Variants in LHFPL3 observed in about 807,000 individuals in gnomAD.
The protein encoded by LHFPL3 is LHFPL tetraspan subfamily member 3 protein.
LHFPL3 carries 5 observed loss-of-function variants against 19.3 expected under a neutral mutation model. The ratio of observed to expected loss-of-function variants is 0.26; its 90% confidence interval spans 0.14 to 0.54. The LOEUF (loss-of-function observed/expected upper bound fraction) is 0.54. Ranked by LOEUF, LHFPL3 falls within the 20% of genes least tolerant of loss-of-function variation. The probability of loss-of-function intolerance (pLI) is 0.94; values close to 1 mark genes in which losing one functional copy is unlikely to be tolerated. For synonymous variants in LHFPL3, 133 were observed against 126.2 expected (o/e 1.05, Z -0.36); for missense variants, 249 against 307.4 (o/e 0.81, Z 1.42).
At chr7:104,607,712 C>T (rs1199266383) in intron 1 of LHFPL3, among the ~76,000 whole-genome samples, 2 of 152,144 alleles carry the variant, frequency 1.3e-5, no homozygotes, top group African/African-American at 4.8e-5. Flanking sequence ...GAATAGGCAA[C>T]CTACAAAATG....
At chr7:104,590,672 A>C (rs897771209) in intron 1 of LHFPL3, among the ~76,000 whole-genome samples, 3 of 152,168 alleles carry the variant, frequency 2.0e-5, no homozygotes, top group Admixed American at 1.3e-4. Context: ...TATCCCTGTT[A>C]ACTTTCTGTC....
chr7:104,898,854 T>G (rs1792422779), intron 2 of LHFPL3, among the ~76,000 whole-genome samples: 1 of 152,098 alleles, frequency 6.6e-6, no homozygotes, highest in Admixed American at 6.6e-5. Flanking sequence ...TGATGGCTCA[T>G]GCCTATAATC....
chr7:104,566,220 A>G (rs998909743), intron 1 of LHFPL3, among the ~76,000 whole-genome samples: 6 of 152,134 alleles, frequency 3.9e-5, no homozygotes, highest in African/African-American at 1.4e-4. Flanking sequence ...TCATGATGGC[A>G]TGCACCTGTA....
At chr7:104,682,788 C>A (rs1792731642) in intron 1 of LHFPL3, among the ~76,000 whole-genome samples, 1 of 152,168 alleles carries the variant, frequency 6.6e-6, no homozygotes, top group Non-Finnish European at 1.5e-5. Flanking sequence ...TTTTAATATG[C>A]AACCATTTGA....
intron 1 of LHFPL3, among the ~76,000 whole-genome samples, chr7:104,487,519 C>T (rs1293893005): frequency 2.0e-5 from 3 of 152,152 alleles, no homozygotes; most frequent in East Asian, 1.9e-4. Flanking sequence ...GTTAACCTAA[C>T]GTGCACATCT....
chr7:104,841,604 A>C (rs1299296295), intron 2 of LHFPL3, among the ~76,000 whole-genome samples: 2 of 150,954 alleles, frequency 1.3e-5, no homozygotes, highest in South Asian at 2.1e-4. Context: ...TTGTGTGTGC[A>C]GAGCTTTCAT....
intron 1 of LHFPL3, among the ~76,000 whole-genome samples, chr7:104,580,178 C>A (rs1326865761): frequency 6.6e-6 from 1 of 152,192 alleles, no homozygotes; most frequent in African/African-American, 2.4e-5. Flanking sequence ...TAACAAACTT[C>A]TCTCAGCTGA....
At chr7:104,743,640 TCATTG>T (rs1793978529) in intron 2 of LHFPL3, among the ~76,000 whole-genome samples, 1 of 152,216 alleles carries the variant, frequency 6.6e-6, no homozygotes. Flanking sequence ...TATAACCTTT[TCATTG>T]ATCTCTGCAA....
At chr7:104,740,408 T>A (rs1793911746) in intron 2 of LHFPL3, among the ~76,000 whole-genome samples, 1 of 152,200 alleles carries the variant, frequency 6.6e-6, no homozygotes, top group Non-Finnish European at 1.5e-5. Flanking sequence ...TTTCATGTCA[T>A]GATGATGTCT....
intron 2 of LHFPL3, among the ~76,000 whole-genome samples, chr7:104,753,665 T>C (rs1405202799): frequency 6.6e-6 from 1 of 151,548 alleles, no homozygotes; most frequent in Non-Finnish European, 1.5e-5. Flanking sequence ...TTCTAGCCAA[T>C]GTATCTAGAA....
At chr7:104,457,870 G>T (rs1299611731) in intron 1 of LHFPL3, among the ~76,000 whole-genome samples, 2 of 143,128 alleles carry the variant, frequency 1.4e-5, no homozygotes, top group African/African-American at 2.6e-5. Context: ...AGCCAGTGAT[G>T]GTGAGCATTT....
At chr7:104,735,782 C>T (rs1331053497) in intron 1 of LHFPL3, among the ~76,000 whole-genome samples, 1 of 152,236 alleles carries the variant, frequency 6.6e-6, no homozygotes, top group African/African-American at 2.4e-5. Flanking sequence ...AATCACCTGT[C>T]TTCTGTGTCA....
intron 1 of LHFPL3, among the ~76,000 whole-genome samples, chr7:104,483,311 A>T (rs1793171901): frequency 6.6e-6 from 1 of 152,210 alleles, no homozygotes; most frequent in African/African-American, 2.4e-5. Context: ...TGATGCTTGG[A>T]TGCTGAGATT....
intron 1 of LHFPL3, among the ~76,000 whole-genome samples, chr7:104,643,455 G>A (rs1236642082): frequency 6.6e-6 from 1 of 152,078 alleles, no homozygotes; most frequent in Non-Finnish European, 1.5e-5. Context: ...CTAGCACAAG[G>A]ACTGTTACAC....
intron 1 of LHFPL3, among the ~76,000 whole-genome samples, chr7:104,623,842 T>C (rs758385923): frequency 1.3e-5 from 2 of 152,106 alleles, no homozygotes; most frequent in Non-Finnish European, 2.9e-5. Context: ...CTTCCAGATA[T>C]TCCAGCACCC....
chr7:104,612,197 A>G (rs773488424), intron 1 of LHFPL3, among the ~76,000 whole-genome samples: 9 of 152,304 alleles, frequency 5.9e-5, no homozygotes, highest in Non-Finnish European at 1.0e-4. Context: ...CTGGCTTTTA[A>G]TCCCAGCTCC....
intron 1 of LHFPL3, among the ~76,000 whole-genome samples, chr7:104,358,806 C>G (rs777438436): frequency 1.4e-4 from 22 of 152,144 alleles, no homozygotes; most frequent in Non-Finnish European, 2.4e-4. Context: ...CTTTTCTTCT[C>G]GATAAATTCT....
At chr7:104,883,611 G>A (rs1024643148) in intron 2 of LHFPL3, among the ~76,000 whole-genome samples, 1 of 152,192 alleles carries the variant, frequency 6.6e-6, no homozygotes, top group African/African-American at 2.4e-5. Context: ...AGGTTACAAG[G>A]CAGTGGCTTG....
chr7:104,472,886 A>G (rs1198236063), intron 1 of LHFPL3, among the ~76,000 whole-genome samples: 2 of 152,222 alleles, frequency 1.3e-5, no homozygotes, highest in East Asian at 1.9e-4. Flanking sequence ...ATAAAATGTC[A>G]TAATTCAATC....
Sources: allele counts gnomAD v4.1 joint callset (sites outside exome capture counted in the v4.1 genomes callset), GRCh38; gene constraint gnomAD v4.1.1; transcripts MANE v1.5; gene names NCBI Gene and HGNC (gene_info 2026-07-23, HGNC 2026-07-21).